Variants in SDK1 observed in about 807,000 individuals in gnomAD.
The protein encoded by SDK1 is sidekick cell adhesion molecule 1.
A neutral mutation model predicts 245.5 loss-of-function variants in SDK1; 157 were observed. The observed-to-expected ratio is 0.64, with a 90% CI of 0.56 to 0.73. The LOEUF (loss-of-function observed/expected upper bound fraction) is 0.73. Among genes scored for constraint, SDK1 ranks in the 30% least tolerant of loss-of-function variants. SDK1 has a pLI of 0.00. For synonymous variants in SDK1, 1,647 were observed against 1,278.5 expected (o/e 1.29, Z -6.15); for missense variants, 3,583 against 3,002.3 (o/e 1.19, Z -4.52).
At chr7:3,955,102 TG>T (rs1387977906) in intron 7 of SDK1, among the ~76,000 whole-genome samples, 1 of 152,174 alleles carries the variant, frequency 6.6e-6, no homozygotes, top group Non-Finnish European at 1.5e-5. Flanking sequence ...CTCCCACATG[TG>T]CCCTGCTCCT....
At chr7:4,209,892 T>G in intron 37 of SDK1, 133 bp from the exon 38 acceptor site, 2 of 842,044 alleles carry the variant, frequency 2.4e-6, no homozygotes, top group South Asian at 2.8e-5. Context: ...TTTCATTTTA[T>G]GACATTCAGA....
intron 4 of SDK1, among the ~76,000 whole-genome samples, chr7:3,712,704 G>C (rs1785083313): frequency 2.0e-5 from 3 of 152,152 alleles, no homozygotes; most frequent in African/African-American, 7.2e-5. Flanking sequence ...ACATTTACTG[G>C]GCAGTAGTTA....
chr7:3,776,346 T>C (rs1379434604), intron 4 of SDK1, among the ~76,000 whole-genome samples: 1 of 152,230 alleles, frequency 6.6e-6, no homozygotes, highest in Non-Finnish European at 1.5e-5. Flanking sequence ...CCACATTCTG[T>C]TTCCCAGTTG....
intron 1 of SDK1, among the ~76,000 whole-genome samples, chr7:3,328,079 G>C (rs1029524144): frequency 1.3e-5 from 2 of 152,008 alleles, no homozygotes; most frequent in South Asian, 4.1e-4. Flanking sequence ...CGTGTTACTG[G>C]TATGGTATTC....
At chr7:4,122,122 G>C (rs1205222823) in intron 25 of SDK1, among the ~76,000 whole-genome samples, 3 of 152,086 alleles carry the variant, frequency 2.0e-5, no homozygotes, top group African/African-American at 7.2e-5. Context: ...AGATGCTGCA[G>C]GACTTCCGCT....
At position 4,249,233 on chromosome 7, in the gene SDK1, T is replaced by G. The variant is rs1302124213; in HGVS notation, c.6381+3428T>G. ...CAGGCAGAAAGCCGAGACTGAGAGT[T>G]TTTGAATGTCTTCCCTGAGACACGC... is the stretch of plus-strand genomic sequence containing the variant. On this transcript the variant is annotated intron_variant, in intron 44 of 44. Transcript: ENST00000404826. 2.6e-5 allele frequency among the ~76,000 whole-genome samples: 4 copies of G among 152,184 alleles called. No homozygotes were observed. In the East Asian group the frequency reaches 5.8e-4, roughly 22 times the overall value.
At chr7:3,338,069 A>G (rs1780249497) in intron 1 of SDK1, 1 of 178,550 alleles carries the variant, frequency 5.6e-6, no homozygotes, top group Admixed American at 6.2e-5. Flanking sequence ...AGACATGCTT[A>G]AAAAGTGGGG....
chr7:3,634,945 C>T (rs1782408176), intron 2 of SDK1, among the ~76,000 whole-genome samples: 1 of 152,152 alleles, frequency 6.6e-6, no homozygotes, highest in Non-Finnish European at 1.5e-5. Flanking sequence ...GTAGAATGAG[C>T]AATCATATAA....
intron 4 of SDK1, among the ~76,000 whole-genome samples, chr7:3,758,907 A>C (rs116887822): frequency 6.6e-6 from 1 of 152,348 alleles, no homozygotes; most frequent in East Asian, 1.9e-4. Flanking sequence ...CTATTTAAAA[A>C]TAACCGTGAG....
At chr7:3,533,303 C>G (rs889084425) in intron 1 of SDK1, among the ~76,000 whole-genome samples, 20 of 152,202 alleles carry the variant, frequency 1.3e-4, no homozygotes, top group African/African-American at 4.6e-4. Flanking sequence ...GTGAGCTCTA[C>G]TAAGTGAATT....
At chr7:3,618,295 C>T (rs1214896039) in intron 1 of SDK1, among the ~76,000 whole-genome samples, 1 of 152,206 alleles carries the variant, frequency 6.6e-6, no homozygotes, top group African/African-American at 2.4e-5. Context: ...CCATTACCTT[C>T]ACCCCCGTCG....
chr7:4,028,081 G>A (rs576417845), intron 17 of SDK1, among the ~76,000 whole-genome samples: 1 of 152,106 alleles, frequency 6.6e-6, no homozygotes, highest in African/African-American at 2.4e-5. Flanking sequence ...ATTGACAGTG[G>A]TGGTTCTCAG....
chr7:4,151,535 T>C (rs1411495007), intron 30 of SDK1, among the ~76,000 whole-genome samples: 1 of 152,172 alleles, frequency 6.6e-6, no homozygotes, highest in Non-Finnish European at 1.5e-5. Context: ...CTGCAGCAGC[T>C]CCGGCTTGAT....
intron 4 of SDK1, among the ~76,000 whole-genome samples, chr7:3,658,257 A>G (rs181497094): frequency 1.3e-5 from 2 of 152,180 alleles, no homozygotes. Flanking sequence ...CTTTGCTGTA[A>G]TGAGATCTGA....
At chr7:3,899,447 C>T (rs569019603) in intron 5 of SDK1, among the ~76,000 whole-genome samples, 4 of 152,224 alleles carry the variant, frequency 2.6e-5, no homozygotes, top group African/African-American at 7.2e-5. Context: ...CACTCATTTT[C>T]TCTCGGCATC....
chr7:4,135,302 A>G (rs1008651130), intron 28 of SDK1, among the ~76,000 whole-genome samples: 1 of 152,194 alleles, frequency 6.6e-6, no homozygotes, highest in African/African-American at 2.4e-5. Flanking sequence ...CACCCTTGCC[A>G]GGAGCGGGAG....
chr7:4,070,665 A>G (rs913891909), intron 20 of SDK1, among the ~76,000 whole-genome samples: 2 of 151,626 alleles, frequency 1.3e-5, no homozygotes, highest in Non-Finnish European at 2.9e-5. Context: ...CGGTGTGCCC[A>G]CAGCCCATAC....
intron 5 of SDK1, among the ~76,000 whole-genome samples, chr7:3,853,749 G>A (rs1010133480): frequency 1.3e-5 from 2 of 152,068 alleles, no homozygotes; most frequent in Non-Finnish European, 2.9e-5. Context: ...CCAGCACTCT[G>A]GGAGGCTGAG....
In SDK1 at chr7:3,615,721, T is replaced by C. The variant is rs1383102784; in HGVS notation, c.299-3359T>C. ...CATAACCAATCTATCACTGAATCTT[T>C]TTCCCACCTAACTATTGCTTTAAAG... On this transcript the variant is annotated intron_variant, in intron 1 of 44. Transcript: ENST00000404826. Among the ~76,000 whole-genome samples, 7 of 151,650 alleles carry C rather than the reference T, an allele frequency of 4.6e-5. 1 individual carries two copies. The Admixed American group carries it at 4.6e-4, about 10-fold the overall frequency.
Sources: allele counts gnomAD v4.1 joint callset (sites outside exome capture counted in the v4.1 genomes callset), GRCh38; gene constraint gnomAD v4.1.1; transcripts MANE v1.5; gene names NCBI Gene and HGNC (gene_info 2026-07-23, HGNC 2026-07-21).